Variants in TMC3 observed in about 807,000 individuals in gnomAD.
TMC3 encodes the protein transmembrane channel like 3.
In TMC3, 98 loss-of-function variants were observed where a neutral mutation model predicts 110.6. That is an observed-to-expected ratio of 0.89 (90% CI 0.75 to 1.05). TMC3 has a LOEUF of 1.05. TMC3 is among the 50% of genes least tolerant of loss of function. The pLI is 0.00. For synonymous variants in TMC3, 489 were observed against 513.1 expected, an observed-to-expected ratio of 0.95 and a Z score of 0.63; for missense variants, 1,319 against 1,373.2, an observed-to-expected ratio of 0.96 and a Z score of 0.62.
intron 3 of TMC3, 62 bp from the exon 4 acceptor site, chr15:81,362,363 T>C (rs780787270): frequency 4.0e-5 from 52 of 1,302,686 alleles, no homozygotes; most frequent in Non-Finnish European, 5.0e-5. Context: ...GGCTGTGCAG[T>C]ACTAGGCACC....
chr15:81,343,893 C>T (rs749301176), intron 14 of TMC3, 24 bp downstream of exon 14: 1 of 1,607,334 alleles, frequency 6.2e-7, no homozygotes, highest in South Asian at 1.1e-5. Flanking sequence ...TAAACTTTCC[C>T]AACAGACACA....
chr15:81,372,447 T>C, intron 2 of TMC3, 144 bp downstream of exon 2: 1 of 966,032 alleles, frequency 1.0e-6, no homozygotes, highest in South Asian at 1.5e-5. Context: ...CTCTCAGATA[T>C]CTTTGTGACT....
chr15:81,354,751 A>G (rs1894022657), intron 9 of TMC3, among the ~76,000 whole-genome samples: 1 of 152,172 alleles, frequency 6.6e-6, no homozygotes, highest in South Asian at 2.1e-4. Flanking sequence ...GGCAGATCAC[A>G]ACTCTTCCCT....
At chr15:81,336,891 A>G (rs1691375945) in intron 19 of TMC3, among the ~76,000 whole-genome samples, 1 of 152,218 alleles carries the variant, frequency 6.6e-6, no homozygotes, top group South Asian at 2.1e-4. Context: ...GGGACAGCTA[A>G]TTAACAGACC....
Position 81,332,733 on chromosome 15 carries a change from T to A in TMC3, c.2989A>T (p.Asn997Tyr), listed in dbSNP as rs759334266. The change falls in exon 22 of 22, where the codon AAT becomes TAT. Residue 997 changes from asparagine (N) to tyrosine (Y), a missense_variant. Physicochemically the swap from Asn to Tyr is moderately radical, Grantham distance 143. Coordinates refer to ENST00000359440, the MANE Select transcript of TMC3 (RefSeq NM_001080532.3). ...TCAAGGTGACCCTCAAAATCTTCAT[T>A]CCACGACTTGTAGTGCACCCTCCCC... The part of the protein sequence containing the change: ...HQGRVHYKSW[N>Y]EDFEGHLERP... The A allele has an allele frequency of 3.7e-6, 6 of 1,613,554 alleles. No homozygotes were observed. Among genetic ancestry groups the A allele is most frequent in the Middle Eastern group, 1.6e-4 (1 of 6,084 alleles).
chr15:81,353,157 T>TA (rs1482604535), intron 9 of TMC3, among the ~76,000 whole-genome samples: 5 of 151,798 alleles, frequency 3.3e-5, no homozygotes, highest in African/African-American at 9.6e-5. Flanking sequence ...TGTAAAAAGT[T>TA]AAAAAAATTA....
At chr15:81,346,300 G>C in intron 12 of TMC3, 65 bp downstream of exon 12, 1 of 1,372,408 alleles carries the variant, frequency 7.3e-7, no homozygotes, top group South Asian at 1.2e-5. Context: ...GATGACCCTG[G>C]TGTTGGGAGG....
At chr15:81,338,519 T>C (rs778697874) in intron 18 of TMC3, 136 bp downstream of exon 18, 38 of 1,189,146 alleles carry the variant, frequency 3.2e-5, no homozygotes, top group Non-Finnish European at 4.2e-5. Flanking sequence ...TCAGAGTCCC[T>C]GTTGAGATCA....
chr15:81,361,672 A>C (rs1381326615), intron 4 of TMC3, among the ~76,000 whole-genome samples: 1 of 152,166 alleles, frequency 6.6e-6, no homozygotes, highest in African/African-American at 2.4e-5. Context: ...AACATCTTCC[A>C]AATATTAAAT....
At chr15:81,335,133 C>G (rs182067576) in intron 20 of TMC3, among the ~76,000 whole-genome samples, 158 bp from the exon 21 acceptor site, 1 of 152,298 alleles carries the variant, frequency 6.6e-6, no homozygotes, top group Non-Finnish European at 1.5e-5. Context: ...AACAAACATT[C>G]TGTAATTCAA....
chr15:81,347,755 A>C (rs1374394326), intron 11 of TMC3, among the ~76,000 whole-genome samples: 1 of 152,222 alleles, frequency 6.6e-6, no homozygotes, highest in East Asian at 1.9e-4. Context: ...AACGAGGCCA[A>C]TTTATATAAT....
At position 81,345,016 on chromosome 15, in the gene TMC3, G is replaced by GGAGA. The variant is rs147678536; in HGVS notation, c.1273-9_1273-6dup. On this transcript the variant is annotated splice_region_variant and splice_polypyrimidine_tract_variant and intron_variant, in intron 12 of 21. Transcript: ENST00000359440. ...GTTATTTTTGGTAGCCATTTCCTGG[G>GGAGA]GAGAGAGAGAGAGAGAGAGAGGGAA... is the stretch of plus-strand genomic sequence containing the variant. The GGAGA allele has an allele frequency of 1.2e-4, 168 of 1,392,326 alleles. No individual in the cohort carries two copies. In the Middle Eastern group the frequency reaches 3.6e-3, roughly 30 times the overall value. The allele number at this position is 1,392,326 out of a possible 1,614,324, so 86.2% of individuals were successfully genotyped here.
At chr15:81,361,210 C>A (rs1309223396) in intron 4 of TMC3, among the ~76,000 whole-genome samples, 1 of 152,030 alleles carries the variant, frequency 6.6e-6, no homozygotes, top group Non-Finnish European at 1.5e-5. Flanking sequence ...TTAAAAATAA[C>A]AGTACTTTTT....
At chr15:81,358,574 C>T in intron 5 of TMC3, 74 bp from the exon 6 acceptor site, 1 of 1,229,372 alleles carries the variant, frequency 8.1e-7, no homozygotes. Flanking sequence ...AGGTTGATCT[C>T]CATGTGCTTG....
chr15:81,372,728 A>G lies in TMC3; in HGVS notation c.99T>C (p.Asp33=). The G allele has an allele frequency of 6.2e-7, 1 of 1,613,986 alleles. No homozygotes were observed. Among genetic ancestry groups the G allele is most frequent in the Non-Finnish European group, 8.5e-7 (1 of 1,179,876 alleles). ...YQESLLLSNL[D]DSFSADETGD... ...CTGTTTCATCAGCACTAAAGCTGTCATCCAAGTTGCTGAATGATCAGGGCA... is the reference window on the plus strand; with the variant it reads ...CTGTTTCATCAGCACTAAAGCTGTCGTCCAAGTTGCTGAATGATCAGGGCA... Residue 33 remains aspartate, a synonymous_variant, in exon 2 of 22, where the codon GAT becomes GAC. Transcript: ENST00000359440.
In TMC3 at chr15:81,332,568, G is replaced by C. The variant is rs752774505; in HGVS notation, c.3154C>G (p.Gln1052Glu). Residue 1052 changes from glutamine (Q) to glutamate (E), a missense_variant, in exon 22 of 22, where the codon CAG becomes GAG. Gln to Glu is a conservative substitution (Grantham distance 29). Coordinates refer to ENST00000359440, the MANE Select transcript of TMC3 (RefSeq NM_001080532.3). ...TACTGGTCAGCGCTGCTGTTCTGCTGGTCACTGCTGGATGCTGCCGACACG... is the reference window on the plus strand; with the variant it reads ...TACTGGTCAGCGCTGCTGTTCTGCTCGTCACTGCTGGATGCTGCCGACACG... ...DSVSAASSSD[Q>E]QNSSADQYLQ... The C allele has an allele frequency of 6.2e-7, 1 of 1,614,002 alleles. No homozygotes were observed. The highest frequency in any genetic ancestry group is 1.1e-5 in the South Asian group (1 of 91,072).
chr15:81,368,315 T>C lies in TMC3; in HGVS notation c.250A>G (p.Ile84Val), dbSNP rs769232905. The change falls in exon 3 of 22, where the codon ATT becomes GTT. Residue 84 changes from isoleucine (I) to valine (V), a missense_variant. Transcript: ENST00000359440. ...AGCCTCCCTTCAAACTTCAGCACAATGTTCTTCGCTTGTCTAAGAGAAGAA... is the reference window on the plus strand; with the variant it reads ...AGCCTCCCTTCAAACTTCAGCACAACGTTCTTCGCTTGTCTAAGAGAAGAA... ...KLRALRQAKN[I>V]VLKFEGRLTR... is the part of the protein sequence containing the mutation. 4 of 1,613,488 alleles carry C rather than the reference T, an allele frequency of 2.5e-6. No homozygotes were observed. In the South Asian group the frequency reaches 3.3e-5, roughly 13 times the overall value.
intron 9 of TMC3, 73 bp downstream of exon 9, chr15:81,355,652 A>G (rs1894043498): frequency 1.1e-6 from 1 of 936,530 alleles, no homozygotes; most frequent in Non-Finnish European, 1.7e-6. Flanking sequence ...GATATAGATG[A>G]TCTGGTAGTT....
chr15:81,337,531 G>A, intron 19 of TMC3: 1 of 457,838 alleles, frequency 2.2e-6, no homozygotes, highest in Non-Finnish European at 4.0e-6. Context: ...ATCTACCAGA[G>A]CTCACAAAAG....
Sources: gnomAD v4.1 joint callset for allele counts (sites outside exome capture counted in the v4.1 genomes callset) on GRCh38, gnomAD v4.1.1 for gene constraint, MANE v1.5 for transcripts, NCBI Gene and HGNC (gene_info 2026-07-23, HGNC 2026-07-21) for gene names.